NRXN3: variants seen among roughly 807,000 people sequenced by gnomAD.
The protein encoded by NRXN3 is neurexin III.
A neutral mutation model predicts 137.6 loss-of-function variants in NRXN3; 32 were observed. The ratio of observed to expected loss-of-function variants is 0.23; its 90% CI spans 0.18 to 0.31. The LOEUF (loss-of-function observed/expected upper bound fraction) is 0.31. Among genes scored for constraint, NRXN3 ranks in the 10% least tolerant of loss-of-function variants. The pLI is 1.00. For missense variants in NRXN3, 1,574 were observed against 2,062.5 expected, an observed-to-expected ratio of 0.76 and a Z score of 4.59; for synonymous variants, 798 against 784.5, an observed-to-expected ratio of 1.02 and a Z score of -0.29.
At chr14:79,163,081 T>C (rs1484864287) in intron 15 of NRXN3, among the ~76,000 whole-genome samples, 1 of 151,980 alleles carries the variant, frequency 6.6e-6, no homozygotes, top group Admixed American at 6.6e-5. Context: ...CTTTATGGGC[T>C]TCACTTTGGG....
chr14:78,983,854 TAAAAAAA>T (rs965751583), intron 14 of NRXN3, among the ~76,000 whole-genome samples: 2 of 105,954 alleles, frequency 1.9e-5, no homozygotes, highest in East Asian at 2.4e-4. Flanking sequence ...AGATTCCATT[TAAAAAAA>T]AAAAAAAAAA....
At chr14:78,655,866 C>T (rs796347085) in intron 6 of NRXN3, among the ~76,000 whole-genome samples, 1 of 152,120 alleles carries the variant, frequency 6.6e-6, no homozygotes, top group Non-Finnish European at 1.5e-5. Context: ...CCAGCCTGGT[C>T]AGGTTCTGGT....
chr14:79,096,399 C>T (rs12893811), intron 15 of NRXN3, among the ~76,000 whole-genome samples: 146,350 of 152,162 alleles, frequency 0.96, 70,514 homozygotes, highest in Middle Eastern at 0.99. Flanking sequence ...CATGAGCCAC[C>T]GTGCCCGGCT....
Position 78,910,225 on chromosome 14 carries a change from C to T in NRXN3, c.2276-47017C>T, listed in dbSNP as rs529556620. Among the ~76,000 whole-genome samples, 56 of 152,060 alleles carry T rather than the reference C, an allele frequency of 3.7e-4. No individual in the cohort carries two copies. In the South Asian group the frequency reaches 7.1e-3, roughly 19 times the overall value. ...GATATAGCAGAAAGAGCTCAGTGACCGAGAGCCTGACTGCTTGGATTTATA... is the reference window on the plus strand; with the variant it reads ...GATATAGCAGAAAGAGCTCAGTGACTGAGAGCCTGACTGCTTGGATTTATA... On this transcript the variant is annotated intron_variant, in intron 10 of 20. Coordinates refer to ENST00000335750, the MANE Select transcript of NRXN3 (RefSeq NM_001330195.2).
chr14:78,598,455 T>C (rs2097176060), intron 4 of NRXN3, among the ~76,000 whole-genome samples: 1 of 152,170 alleles, frequency 6.6e-6, no homozygotes, highest in South Asian at 2.1e-4. Context: ...GCCTGTTTCG[T>C]CTAGAGTAAC....
intron 15 of NRXN3, among the ~76,000 whole-genome samples, chr14:79,050,948 A>C (rs994127370): frequency 6.6e-6 from 1 of 152,242 alleles, no homozygotes; most frequent in Non-Finnish European, 1.5e-5. Context: ...CAGTAATAGA[A>C]TGAACACTCT....
chr14:78,926,205 T>TA (rs1698238421), intron 10 of NRXN3, among the ~76,000 whole-genome samples: 1 of 152,076 alleles, frequency 6.6e-6, no homozygotes, highest in Non-Finnish European at 1.5e-5. Flanking sequence ...CACCAAACCC[T>TA]ATATACACTG....
chr14:78,242,092 A>G (rs1484198382), intron 1 of NRXN3, among the ~76,000 whole-genome samples: 1 of 152,200 alleles, frequency 6.6e-6, no homozygotes, highest in Non-Finnish European at 1.5e-5. Flanking sequence ...TTAAAAATAC[A>G]CTTTGACAAT....
At chr14:78,932,166 T>A (rs757661643) in intron 10 of NRXN3, among the ~76,000 whole-genome samples, 121 of 150,916 alleles carry the variant, frequency 8.0e-4, no homozygotes, top group Non-Finnish European at 1.4e-3. Flanking sequence ...TTAATTAATT[T>A]TTTTAAAAAG....
chr14:78,284,725 G>A (rs1358034122), intron 3 of NRXN3, among the ~76,000 whole-genome samples: 4 of 152,068 alleles, frequency 2.6e-5, no homozygotes, highest in Non-Finnish European at 5.9e-5. Flanking sequence ...AAACACACCT[G>A]CTGTTCTCTC....
intron 15 of NRXN3, among the ~76,000 whole-genome samples, chr14:79,376,283 C>T (rs1026325782): frequency 8.3e-6 from 1 of 119,944 alleles, no homozygotes; most frequent in Non-Finnish European, 1.7e-5. Flanking sequence ...CATATGACTC[C>T]AAAAACAATT....
intron 10 of NRXN3, among the ~76,000 whole-genome samples, chr14:78,928,919 T>A (rs2099313938): frequency 6.6e-6 from 1 of 152,162 alleles, no homozygotes; most frequent in African/African-American, 2.4e-5. Flanking sequence ...CCACCAACAG[T>A]GTAAAAGCAT....
rs114358363 is a variant in NRXN3, at chr14:79,066,962, T to C, written c.3262+78821T>C. 6.1e-3 allele frequency among the ~76,000 whole-genome samples: 934 copies of C among 152,250 alleles called. 10 individuals carry two copies. The highest frequency in any genetic ancestry group is 0.021 in the African/African-American group (886 of 41,560). ...TTTTATTCAAATACCTTTTATTTTT[T>C]CCTCTTGCCTGGTTGCCCTGACTAG... On this transcript the variant is annotated intron_variant, in intron 15 of 20. Transcript: ENST00000335750.
intron 15 of NRXN3, among the ~76,000 whole-genome samples, chr14:79,257,436 G>GTAA (rs2076812285): frequency 2.0e-5 from 1 of 50,866 alleles, no homozygotes; most frequent in Non-Finnish European, 3.9e-5. Context: ...GGTGGTGGTG[G>GTAA]TGGTGGTAGT....
At chr14:78,960,620 A>G (rs139501380) in intron 11 of NRXN3, among the ~76,000 whole-genome samples, 14 of 152,326 alleles carry the variant, frequency 9.2e-5, no homozygotes, top group African/African-American at 3.1e-4. Flanking sequence ...TGTTTCTATT[A>G]TTAAGAATAC....
At chr14:79,288,328 G>A (rs2082621634) in intron 15 of NRXN3, among the ~76,000 whole-genome samples, 1 of 152,174 alleles carries the variant, frequency 6.6e-6, no homozygotes, top group Non-Finnish European at 1.5e-5. Context: ...GCTGTGTTTA[G>A]CCATATCAGA....
intron 15 of NRXN3, among the ~76,000 whole-genome samples, chr14:79,076,609 T>C (rs1393130008): frequency 6.6e-6 from 1 of 152,190 alleles, no homozygotes; most frequent in Non-Finnish European, 1.5e-5. Flanking sequence ...GCCATTGTTG[T>C]TTTCAATCTA....
intron 4 of NRXN3, among the ~76,000 whole-genome samples, chr14:78,311,508 C>T (rs4903748): frequency 0.27 from 41,126 of 152,086 alleles, 5,728 homozygotes; most frequent in African/African-American, 0.33. Context: ...AATTCTTAAA[C>T]TTTCTTAAAA....
At chr14:79,528,431 A>T (rs2097140832) in intron 16 of NRXN3, among the ~76,000 whole-genome samples, 1 of 152,210 alleles carries the variant, frequency 6.6e-6, no homozygotes, top group African/African-American at 2.4e-5. Context: ...TTACATCAAC[A>T]GATGTTTGTA....
Sources: gnomAD v4.1 joint callset for allele counts (sites outside exome capture counted in the v4.1 genomes callset) on GRCh38, gnomAD v4.1.1 for gene constraint, MANE v1.5 for transcripts, NCBI Gene and HGNC (gene_info 2026-07-23, HGNC 2026-07-21) for gene names.